The following CEP112 variants were observed in gnomAD, a reference collection of about 807,000 sequenced individuals.
CEP112 encodes the protein centrosomal protein 112, also known as centrosomal protein of 112 kDa.
CEP112 carries 127 observed loss-of-function variants against 153.0 expected under a neutral mutation model. The observed-to-expected ratio is 0.83, with a 90% CI of 0.72 to 0.96. The LOEUF is 0.96. CEP112 is among the 40% of genes least tolerant of loss of function. The pLI is 0.00. For synonymous variants in CEP112, 358 were observed against 374.4 expected (o/e 0.96, Z 0.51); for missense variants, 1,089 against 1,101.2 (o/e 0.99, Z 0.16).
At chr17:65,996,432 A>G (rs2063795406) in intron 17 of CEP112, among the ~76,000 whole-genome samples, 1 of 152,206 alleles carries the variant, frequency 6.6e-6, no homozygotes, top group African/African-American at 2.4e-5. Context: ...AAAACTATGC[A>G]GCTTTTCATC....
At chr17:66,161,858 C>T (rs138379145) in intron 4 of CEP112, among the ~76,000 whole-genome samples, 4 of 149,702 alleles carry the variant, frequency 2.7e-5, no homozygotes, top group African/African-American at 4.9e-5. Flanking sequence ...AAACTCTGCA[C>T]GAATTTAAAA....
chr17:65,710,891 TA>T (rs1284438306), intron 23 of CEP112, among the ~76,000 whole-genome samples: 20 of 152,234 alleles, frequency 1.3e-4, no homozygotes, highest in African/African-American at 4.8e-4. Flanking sequence ...CAACCTTCAT[TA>T]AAAAGTGAAA....
At chr17:66,005,239 G>C (rs1344783524) in intron 17 of CEP112, among the ~76,000 whole-genome samples, 1 of 152,122 alleles carries the variant, frequency 6.6e-6, no homozygotes, top group African/African-American at 2.4e-5. Flanking sequence ...CCTAAGTACA[G>C]TAAAACATTA....
intron 21 of CEP112, among the ~76,000 whole-genome samples, chr17:65,817,986 A>G (rs1281345720): frequency 6.6e-6 from 1 of 151,820 alleles, no homozygotes; most frequent in Non-Finnish European, 1.5e-5. Context: ...GTTAAAATAT[A>G]TTTTCATCCA....
At chr17:66,033,184 C>T (rs1382541288) in intron 12 of CEP112, among the ~76,000 whole-genome samples, 1 of 151,988 alleles carries the variant, frequency 6.6e-6, no homozygotes, top group Non-Finnish European at 1.5e-5. Context: ...AAATGGAGAT[C>T]CAGCATTTAC....
chr17:66,074,224 T>C lies in CEP112; in HGVS notation c.769-4223A>G, dbSNP rs141080546. On this transcript the variant is annotated intron_variant, in intron 8 of 26. Coordinates refer to ENST00000535342, the MANE Select transcript of CEP112 (RefSeq NM_001199165.4). ...GGAACAAAAATTCACTAGATGAGCTTAATGGATTAGAGAGAACAGATAAAG... is the reference window on the plus strand; with the variant it reads ...GGAACAAAAATTCACTAGATGAGCTCAATGGATTAGAGAGAACAGATAAAG... Among the ~76,000 whole-genome samples the C allele has an allele frequency of 1.6e-3, 236 of 152,162 alleles. 3 individuals carry two copies. The highest frequency in any genetic ancestry group is 5.3e-3 in the African/African-American group (221 of 41,542).
chr17:65,661,739 T>C (rs1204888474), intron 24 of CEP112: 1 of 152,158 alleles, frequency 6.6e-6, no homozygotes, highest in Non-Finnish European at 1.5e-5. Context: ...TGCTAACCTA[T>C]TATGTAGGCT....
chr17:65,758,875 C>T (rs751741157), intron 21 of CEP112, among the ~76,000 whole-genome samples: 2 of 152,072 alleles, frequency 1.3e-5, no homozygotes, highest in Non-Finnish European at 1.5e-5. Flanking sequence ...TTGTCAGAGG[C>T]GTATGAACCA....
chr17:65,674,022 G>A (rs553255446), intron 24 of CEP112, among the ~76,000 whole-genome samples: 30 of 152,148 alleles, frequency 2.0e-4, no homozygotes, highest in African/African-American at 5.3e-4. Flanking sequence ...GATTACAGGC[G>A]TGCGCCACCA....
intron 23 of CEP112, among the ~76,000 whole-genome samples, chr17:65,706,537 C>T (rs772350940): frequency 3.7e-4 from 56 of 152,202 alleles, no homozygotes; most frequent in Admixed American, 7.2e-4. Context: ...TAGACATTTA[C>T]AACATGCGTC....
At chr17:66,107,156 A>C (rs1334298712) in intron 6 of CEP112, among the ~76,000 whole-genome samples, 2 of 152,176 alleles carry the variant, frequency 1.3e-5, no homozygotes, top group Non-Finnish European at 2.9e-5. Flanking sequence ...GTACAACAAA[A>C]GTCATATACA....
intron 18 of CEP112, among the ~76,000 whole-genome samples, chr17:65,949,355 A>C (rs1350924081): frequency 1.3e-5 from 2 of 152,344 alleles, no homozygotes; most frequent in East Asian, 3.9e-4. Context: ...CCAGTGAAGA[A>C]TATTTCTTCA....
At chr17:65,685,652 G>A (rs232116) in intron 24 of CEP112, among the ~76,000 whole-genome samples, 69,354 of 148,036 alleles carry the variant, frequency 0.47, 16,505 homozygotes, top group Middle Eastern at 0.56. Context: ...AAAAGTGTCT[G>A]TGACAATAGT....
chr17:65,638,897 C>CT (rs11429563), intron 25 of CEP112, among the ~76,000 whole-genome samples: 12,140 of 151,194 alleles, frequency 0.08, 1,423 homozygotes, highest in African/African-American at 0.26. Context: ...TATCAGATTC[C>CT]TTTTTTTTTC....
chr17:65,699,001 A>G (rs962813393), intron 23 of CEP112, among the ~76,000 whole-genome samples: 4 of 152,052 alleles, frequency 2.6e-5, no homozygotes, highest in Admixed American at 6.5e-5. Context: ...AATCCCCTCC[A>G]CCAAACTGTG....
chr17:65,662,693 T>G (rs2143872651), intron 24 of CEP112, among the ~76,000 whole-genome samples: 1 of 152,304 alleles, frequency 6.6e-6, no homozygotes, highest in Non-Finnish European at 1.5e-5. Flanking sequence ...TTTTCTTTAC[T>G]TCAAATGGCA....
chr17:65,663,155 A>G (rs2046482464), intron 24 of CEP112, among the ~76,000 whole-genome samples: 1 of 152,170 alleles, frequency 6.6e-6, no homozygotes, highest in Admixed American at 6.5e-5. Flanking sequence ...AACTGAATTA[A>G]TCTTGCTTCT....
In CEP112 at chr17:65,849,423, CCT is replaced by C. The variant is rs574575346; in HGVS notation, c.2394+2379_2394+2380del. The stretch of plus-strand genomic sequence containing the variant: ...CTATTTGAGGGCAGTGGCCCCCTCC[CCT>C]GTTTTTTATATACCCACAGTGCCTG... On this transcript the variant is annotated intron_variant, in intron 21 of 26. Coordinates refer to ENST00000535342, the MANE Select transcript of CEP112 (RefSeq NM_001199165.4). Among the ~76,000 whole-genome samples the C allele has an allele frequency of 1.6e-3, 242 of 152,302 alleles. 1 individual carries two copies. The South Asian group carries it at 0.018, about 11-fold the overall frequency.
At chr17:65,929,866 T>C (rs1160741281) in intron 18 of CEP112, among the ~76,000 whole-genome samples, 1 of 152,224 alleles carries the variant, frequency 6.6e-6, no homozygotes, top group Non-Finnish European at 1.5e-5. Context: ...AATAAAAGCA[T>C]GTTGGATCTA....
Sources: allele counts gnomAD v4.1 joint callset (sites outside exome capture counted in the v4.1 genomes callset), GRCh38; gene constraint gnomAD v4.1.1; transcripts MANE v1.5; gene names NCBI Gene and HGNC (gene_info 2026-07-23, HGNC 2026-07-21).